LEPR: variants seen among roughly 807,000 people sequenced by gnomAD.
LEPR encodes leptin receptor, also known as OB receptor.
Under a neutral mutation model 114.7 loss-of-function variants are expected in LEPR, and 56 were observed. The ratio of observed to expected loss-of-function variants is 0.49; its 90% CI spans 0.39 to 0.61. LEPR has a LOEUF of 0.61. LEPR is among the 20% of genes least tolerant of loss of function. The probability of loss-of-function intolerance (pLI) is 0.00; values close to 1 mark genes in which losing one functional copy is unlikely to be tolerated. For missense variants in LEPR, 1,202 were observed against 1,352.9 expected (o/e 0.89, Z 1.75); for synonymous variants, 443 against 461.4 (o/e 0.96, Z 0.51).
chr1:65,620,409 T>C lies in LEPR; in HGVS notation c.2491+386T>C, dbSNP rs112525812. Among the ~76,000 whole-genome samples, 22 of 152,364 alleles carry C rather than the reference T, an allele frequency of 1.4e-4. 4 individuals carry two copies. Among genetic ancestry groups the C allele is most frequent in the African/African-American group, 5.0e-4 (21 of 41,592 alleles). ...TCATACATGTATTATCCAACAGATA[T>C]TAATTGAGCATTGTTCTAAGCACTG... On this transcript the variant is annotated intron_variant, in intron 17 of 19. Transcript: ENST00000349533.
rs191290066 is a variant in LEPR at position 65,591,791 on chromosome 1, T to C, written c.495-866T>C. Among the ~76,000 whole-genome samples the C allele has an allele frequency of 3.3e-5, 5 of 152,144 alleles. No homozygotes were observed. The East Asian group carries it at 9.6e-4, about 29-fold the overall frequency. Reference sequence around the variant, plus strand: ...GATAATCTTTGCCTTCTAAATGGGATGTTAAGGCTGTTTGCATTTAGTGTG... The same window carrying C: ...GATAATCTTTGCCTTCTAAATGGGACGTTAAGGCTGTTTGCATTTAGTGTG... On this transcript the variant is annotated intron_variant, in intron 5 of 19. Transcript: ENST00000349533.
rs561701386 is a variant in LEPR at position 65,556,740 on chromosome 1, G to A, written c.-20-8806G>A. Among the ~76,000 whole-genome samples, 9 of 152,268 alleles carry A rather than the reference G, an allele frequency of 5.9e-5. No homozygotes were observed. The South Asian group carries it at 1.7e-3, about 28-fold the overall frequency. On this transcript the variant is annotated intron_variant, in intron 2 of 19. Coordinates refer to ENST00000349533, the MANE Select transcript of LEPR (RefSeq NM_002303.6). The stretch of plus-strand genomic sequence containing the variant: ...GCTAAAATTTCAGATGGGATGGCCA[G>A]GGCAGGCTCCTTTAGAAGGTGAGTT...
At chr1:65,519,147 C>CCTTT (rs1454915618) in intron 2 of LEPR, among the ~76,000 whole-genome samples, 2 of 144,484 alleles carry the variant, frequency 1.4e-5, no homozygotes. Context: ...TTCCTTCCTT[C>CCTTT]CTTCCTTTCC....
chr1:65,568,434 A>G (rs938741095), intron 3 of LEPR, among the ~76,000 whole-genome samples: 4 of 152,060 alleles, frequency 2.6e-5, no homozygotes, highest in African/African-American at 9.7e-5. Context: ...CTTTAGCTCC[A>G]TCCACGTTGT....
chr1:65,513,965 A>G (rs1049419672), intron 2 of LEPR, among the ~76,000 whole-genome samples: 3 of 152,240 alleles, frequency 2.0e-5, no homozygotes, highest in Admixed American at 6.5e-5. Flanking sequence ...ATTTATGAGA[A>G]ATAGGCAAAT....
intron 2 of LEPR, among the ~76,000 whole-genome samples, chr1:65,445,183 A>G (rs970562694): frequency 6.6e-6 from 1 of 152,164 alleles, no homozygotes; most frequent in Admixed American, 6.5e-5. Flanking sequence ...CTGAAAACTG[A>G]GTTTAAATTA....
intron 1 of LEPR, among the ~76,000 whole-genome samples, chr1:65,421,686 A>T (rs1318851519): frequency 6.6e-6 from 1 of 152,186 alleles, no homozygotes; most frequent in African/African-American, 2.4e-5. Context: ...GCTGACTTTT[A>T]TACTTAATAT....
chr1:65,530,137 A>C (rs1471463090), intron 2 of LEPR, among the ~76,000 whole-genome samples: 1 of 152,064 alleles, frequency 6.6e-6, no homozygotes, highest in East Asian at 1.9e-4. Context: ...TCTTTCCCAA[A>C]CCTGCACTAT....
chr1:65,525,826 C>T (rs12741225), intron 2 of LEPR: 1 of 985,568 alleles, frequency 1.0e-6, no homozygotes, highest in African/African-American at 1.7e-5. Context: ...AAGGTGGGAC[C>T]TGCTTCCCTC....
intron 2 of LEPR, among the ~76,000 whole-genome samples, chr1:65,503,308 TA>T (rs779773457): frequency 1.5e-4 from 23 of 152,044 alleles, no homozygotes; most frequent in African/African-American, 4.8e-4. Flanking sequence ...ATGAAAATTG[TA>T]AAAAAAATTA....
At chr1:65,555,089 A>G (rs1299951007) in intron 2 of LEPR, among the ~76,000 whole-genome samples, 1 of 152,080 alleles carries the variant, frequency 6.6e-6, no homozygotes, top group Non-Finnish European at 1.5e-5. Context: ...CCTCAGTTGG[A>G]AATGCAGAAA....
intron 19 of LEPR, among the ~76,000 whole-genome samples, chr1:65,624,945 G>A (rs774257052): frequency 6.6e-6 from 1 of 152,162 alleles, no homozygotes; most frequent in Non-Finnish European, 1.5e-5. Flanking sequence ...CTTTGCCTGA[G>A]TCTAATCAGC....
At chr1:65,488,166 TTCTTTC>T (rs1647616645) in intron 2 of LEPR, among the ~76,000 whole-genome samples, 1 of 16,276 alleles carries the variant, frequency 6.1e-5, no homozygotes, top group Admixed American at 6.7e-4. Flanking sequence ...CTTCCTTTCT[TTCTTTC>T]TTTCTTTCTT....
chr1:65,499,622 A>G (rs1648339847), intron 2 of LEPR, among the ~76,000 whole-genome samples: 1 of 152,116 alleles, frequency 6.6e-6, no homozygotes, highest in South Asian at 2.1e-4. Flanking sequence ...GTAGTAACAT[A>G]TATAATGCAG....
intron 2 of LEPR, among the ~76,000 whole-genome samples, chr1:65,488,202 T>TTCTCTCTCTCTCTC (rs769414451): frequency 3.4e-5 from 1 of 29,442 alleles, no homozygotes; most frequent in Admixed American, 4.0e-4. Context: ...CTTTCTTTCT[T>TTCTCTCTCTCTCTC]TCTTTCTTTC....
chr1:65,434,524 A>G, intron 2 of LEPR: 1 of 985,154 alleles, frequency 1.0e-6, no homozygotes, highest in Non-Finnish European at 1.2e-6. Flanking sequence ...TTGAGTTCCC[A>G]GGCCAAGCCT....
chr1:65,543,052 G>C (rs1385441904), intron 2 of LEPR, among the ~76,000 whole-genome samples: 1 of 151,946 alleles, frequency 6.6e-6, no homozygotes, highest in Admixed American at 6.5e-5. Context: ...CTTCCACAAT[G>C]GTTGAACTAA....
chr1:65,451,409 A>G (rs1646783125), intron 2 of LEPR, among the ~76,000 whole-genome samples: 1 of 151,858 alleles, frequency 6.6e-6, no homozygotes, highest in Admixed American at 6.6e-5. Context: ...TTATGGTTTT[A>G]GGTCTAATGT....
chr1:65,594,558 G>A (rs879665228), intron 6 of LEPR, among the ~76,000 whole-genome samples: 11 of 152,100 alleles, frequency 7.2e-5, no homozygotes, highest in South Asian at 2.1e-4. Context: ...ACTGAGATAC[G>A]GAAACTCAGG....
Sources: gnomAD v4.1 joint callset for allele counts (sites outside exome capture counted in the v4.1 genomes callset) on GRCh38, gnomAD v4.1.1 for gene constraint, MANE v1.5 for transcripts, NCBI Gene and HGNC (gene_info 2026-07-23, HGNC 2026-07-21) for gene names.